Variants in ZEB1 observed in about 807,000 individuals in gnomAD.
The protein encoded by ZEB1 is zinc finger E-box-binding homeobox 1.
In ZEB1, 21 loss-of-function variants were observed where a neutral mutation model predicts 84.9. The observed-to-expected ratio is 0.25, with a 90% CI of 0.18 to 0.36. The LOEUF is 0.36. ZEB1 is among the 10% of genes least tolerant of loss of function. The pLI, the probability that ZEB1 is intolerant of heterozygous loss-of-function variation, is 1.00. For missense variants in ZEB1, 1,104 were observed against 1,330.2 expected (o/e 0.83, Z 2.65); for synonymous variants, 420 against 471.1 (o/e 0.89, Z 1.41).
chr10:31,352,339 C>T (rs1012951182), intron 1 of ZEB1, among the ~76,000 whole-genome samples: 7 of 152,028 alleles, frequency 4.6e-5, no homozygotes, highest in Non-Finnish European at 1.0e-4. Context: ...AATTCTATTT[C>T]GGTAGTCACA....
chr10:31,319,567 G>A, intron 1 of ZEB1: 2 of 421,640 alleles, frequency 4.7e-6, no homozygotes, highest in Non-Finnish European at 8.3e-6. Flanking sequence ...TCCCTGGACC[G>A]TTAGCCGGCG....
intron 2 of ZEB1, among the ~76,000 whole-genome samples, chr10:31,470,790 A>C (rs1227552947): frequency 1.5e-5 from 2 of 135,266 alleles, no homozygotes; most frequent in Admixed American, 1.5e-4. Flanking sequence ...AATGAAGGAA[A>C]AAATGTTAAG....
chr10:31,420,743 A>G, intron 1 of ZEB1, among the ~76,000 whole-genome samples: 1 of 152,170 alleles, frequency 6.6e-6, no homozygotes, highest in Non-Finnish European at 1.5e-5. Context: ...ACCATGGATC[A>G]TTGGAGGTCA....
intron 1 of ZEB1, among the ~76,000 whole-genome samples, chr10:31,439,724 G>A (rs997128180): frequency 6.6e-6 from 1 of 152,116 alleles, no homozygotes; most frequent in African/African-American, 2.4e-5. Context: ...CCCTGAGGAG[G>A]TGGAATTGGG....
At chr10:31,450,054 A>G (rs1338311813) in intron 1 of ZEB1, among the ~76,000 whole-genome samples, 1 of 152,238 alleles carries the variant, frequency 6.6e-6, no homozygotes, top group Non-Finnish European at 1.5e-5. Flanking sequence ...ACTTCTCTAT[A>G]TAAACTGTAG....
chr10:31,386,751 G>A (rs543051082), intron 1 of ZEB1, among the ~76,000 whole-genome samples: 91 of 152,174 alleles, frequency 6.0e-4, no homozygotes, highest in African/African-American at 2.1e-3. Flanking sequence ...TACAAAGGGA[G>A]GACAGAATTT....
Position 31,514,593 on chromosome 10 carries a change from T to C in ZEB1, c.688-10T>C, listed in dbSNP as rs1035658478. On this transcript the variant is annotated splice_polypyrimidine_tract_variant and intron_variant, in intron 5 of 8. Transcript: ENST00000424869. ...GCTTTTCAAATAAAATACCAGTTCT[T>C]TTCTTACAGAGACATGTGACGCAGT... is the stretch of plus-strand genomic sequence containing the variant. 3 of 1,610,242 alleles carry C rather than the reference T, an allele frequency of 1.9e-6. No individual in the cohort carries two copies. The Admixed American group carries it at 5.0e-5, about 27-fold the overall frequency.
intron 1 of ZEB1, among the ~76,000 whole-genome samples, chr10:31,430,042 T>C (rs183728758): frequency 1.3e-3 from 202 of 152,236 alleles, no homozygotes; most frequent in African/African-American, 4.7e-3. Context: ...CGCCCAGCCA[T>C]AGGCAGAACT....
At chr10:31,510,945 G>C in intron 5 of ZEB1, 70 bp downstream of exon 5, 4 of 1,419,984 alleles carry the variant, frequency 2.8e-6, no homozygotes, top group Non-Finnish European at 4.0e-6. Context: ...GGAAGGCAAG[G>C]ATTTTAATAT....
intron 1 of ZEB1, among the ~76,000 whole-genome samples, chr10:31,364,618 G>C (rs2044096536): frequency 6.6e-6 from 1 of 152,218 alleles, no homozygotes; most frequent in Non-Finnish European, 1.5e-5. Context: ...CCAAAGAGAG[G>C]ACGCAGTGCC....
intron 2 of ZEB1, among the ~76,000 whole-genome samples, chr10:31,476,603 A>T (rs111960969): frequency 2.6e-5 from 4 of 152,154 alleles, no homozygotes; most frequent in African/African-American, 9.6e-5. Context: ...ATACCTCCCT[A>T]ACTCTTTCTG....
chr10:31,417,159 T>C (rs2055355439), intron 1 of ZEB1, among the ~76,000 whole-genome samples: 1 of 152,154 alleles, frequency 6.6e-6, no homozygotes, highest in African/African-American at 2.4e-5. Flanking sequence ...CAGTTGGTTA[T>C]CAAATCTAAA....
At chr10:31,318,826 CCCTGCCCCGG>C, upstream of ZEB1, 1 of 339,370 alleles carries the variant, frequency 2.9e-6, no homozygotes, top group Non-Finnish European at 5.8e-6. Flanking sequence ...CCAGATCCCT[CCCTGCCCCGG>C]GCAGCCGCGG....
chr10:31,349,796 T>C (rs2040992468), intron 1 of ZEB1, among the ~76,000 whole-genome samples: 1 of 152,178 alleles, frequency 6.6e-6, no homozygotes, highest in Non-Finnish European at 1.5e-5. Context: ...GCTTTAGCTT[T>C]TTACATGTTT....
intron 1 of ZEB1, among the ~76,000 whole-genome samples, chr10:31,327,467 A>G (rs930908878): frequency 3.3e-5 from 5 of 152,214 alleles, no homozygotes; most frequent in African/African-American, 9.6e-5. Context: ...TGCTATATGT[A>G]CAGCTAGTTC....
Position 31,524,022 on chromosome 10 carries a change from G to A in ZEB1, c.2694G>A (p.Arg898=). ...SDSTPPKKKM[R]KTENGMYACD... ...CTACACCGCCCAAAAAGAAAATGCG[G>A]AAGACAGAAAATGGAATGTATGCTT... is the stretch of plus-strand genomic sequence containing the variant. Residue 898 remains arginine (R), a synonymous_variant, in exon 8 of 9, where the codon CGG becomes CGA. Coordinates refer to ENST00000424869, the MANE Select transcript of ZEB1 (RefSeq NM_001174096.2). 6.2e-7 allele frequency: 1 copy of A among 1,613,914 alleles called. No homozygotes were observed. Among genetic ancestry groups the A allele is most frequent in the South Asian group, 1.1e-5 (1 of 91,084 alleles).
At chr10:31,446,201 C>A (rs893508421) in intron 1 of ZEB1, among the ~76,000 whole-genome samples, 4 of 152,196 alleles carry the variant, frequency 2.6e-5, no homozygotes, top group African/African-American at 9.7e-5. Context: ...AGTTTATTTG[C>A]ATAGAGCTGT....
intron 2 of ZEB1, among the ~76,000 whole-genome samples, chr10:31,491,003 T>A (rs2066453508): frequency 6.6e-6 from 1 of 151,708 alleles, no homozygotes; most frequent in South Asian, 2.1e-4. Context: ...ATCTAGAACA[T>A]GGGTAATTGT....
chr10:31,342,874 C>A (rs1006213916), intron 1 of ZEB1, among the ~76,000 whole-genome samples: 1 of 152,080 alleles, frequency 6.6e-6, no homozygotes, highest in Non-Finnish European at 1.5e-5. Flanking sequence ...CATGCCAGCT[C>A]TACTTAAGGT....
Sources: gnomAD v4.1 joint callset for allele counts (sites outside exome capture counted in the v4.1 genomes callset) on GRCh38, gnomAD v4.1.1 for gene constraint, MANE v1.5 for transcripts, NCBI Gene and HGNC (gene_info 2026-07-23, HGNC 2026-07-21) for gene names.